The following MSI2 variants were observed in gnomAD, a reference collection of about 807,000 sequenced individuals.
MSI2 encodes the protein musashi RNA binding protein 2, also known as RNA-binding protein Musashi homolog 2.
Under a neutral mutation model 45.6 loss-of-function variants are expected in MSI2, and 17 were observed. The observed-to-expected ratio is 0.37, with a 90% CI of 0.26 to 0.56. MSI2 has a LOEUF of 0.56. Ranked by LOEUF, MSI2 falls within the 20% of genes least tolerant of loss-of-function variation. The probability of loss-of-function intolerance (pLI) is 0.77; values close to 1 mark genes in which losing one functional copy is unlikely to be tolerated. For synonymous variants in MSI2, 156 were observed against 158.2 expected (o/e 0.99, Z 0.11); for missense variants, 293 against 444.2 (o/e 0.66, Z 3.06).
At chr17:57,588,555 GT>G (rs1393960584) in intron 7 of MSI2, among the ~76,000 whole-genome samples, 1 of 152,206 alleles carries the variant, frequency 6.6e-6, no homozygotes, top group Non-Finnish European at 1.5e-5. Context: ...GTTTTTCTGT[GT>G]GAAGGTCTTC....
At chr17:57,367,353 G>C (rs981602750) in intron 5 of MSI2, among the ~76,000 whole-genome samples, 7 of 152,188 alleles carry the variant, frequency 4.6e-5, no homozygotes, top group Admixed American at 4.6e-4. Context: ...TCAGTAGATG[G>C]GGGAGGTCTG....
rs577678122 is a variant in MSI2 at position 57,564,291 on chromosome 17, C to G, written c.455-32577C>G. On this transcript the variant is annotated intron_variant, in intron 7 of 13. Transcript: ENST00000284073. Reference sequence around the variant, plus strand: ...AAGGTCGCCTTGTAATCAGGCATCACGTGACTCCTAGGAGCCAGTTAACAA... The same window carrying G: ...AAGGTCGCCTTGTAATCAGGCATCAGGTGACTCCTAGGAGCCAGTTAACAA... Among the ~76,000 whole-genome samples the G allele has an allele frequency of 4.6e-5, 7 of 152,314 alleles. No homozygotes were observed. The East Asian group carries it at 1.3e-3, about 29-fold the overall frequency.
chr17:57,583,046 A>G (rs899554590), intron 7 of MSI2, among the ~76,000 whole-genome samples: 3 of 152,122 alleles, frequency 2.0e-5, no homozygotes, highest in African/African-American at 7.2e-5. Flanking sequence ...TCTGATCAAG[A>G]TATGTTTTTG....
At chr17:57,434,319 C>T (rs2084652844) in intron 6 of MSI2, among the ~76,000 whole-genome samples, 3 of 152,178 alleles carry the variant, frequency 2.0e-5, no homozygotes, top group South Asian at 2.1e-4. Context: ...AGGCTGATCT[C>T]GAACTCCTGA....
chr17:57,293,804 C>G (rs534814731), intron 5 of MSI2, among the ~76,000 whole-genome samples: 1 of 151,514 alleles, frequency 6.6e-6, no homozygotes, highest in South Asian at 2.1e-4. Context: ...GATGGGGTTT[C>G]TCCATGTTGG....
chr17:57,632,753 T>C (rs1909505299), intron 10 of MSI2: 3 of 1,065,928 alleles, frequency 2.8e-6, no homozygotes, highest in African/African-American at 3.3e-5. Context: ...CAAGAGTCAC[T>C]GCTTTGTCTG....
At chr17:57,592,290 C>T (rs944383640) in intron 7 of MSI2, among the ~76,000 whole-genome samples, 2 of 152,264 alleles carry the variant, frequency 1.3e-5, no homozygotes, top group Non-Finnish European at 2.9e-5. Flanking sequence ...ACCCATCACT[C>T]TATCCCAAAT....
intron 7 of MSI2, among the ~76,000 whole-genome samples, chr17:57,540,195 T>C (rs868424418): frequency 2.0e-5 from 3 of 152,370 alleles, no homozygotes; most frequent in Admixed American, 6.5e-5. Flanking sequence ...TTAAGTGAGA[T>C]AGTTTATCTG....
intron 5 of MSI2, among the ~76,000 whole-genome samples, chr17:57,316,137 C>A (rs547248571): frequency 2.6e-5 from 4 of 151,890 alleles, no homozygotes; most frequent in African/African-American, 9.7e-5. Flanking sequence ...CCCTCTTGTA[C>A]TGTTAACCCA....
At chr17:57,302,647 T>C (rs897388180) in intron 5 of MSI2, among the ~76,000 whole-genome samples, 1 of 152,234 alleles carries the variant, frequency 6.6e-6, no homozygotes, top group Non-Finnish European at 1.5e-5. Flanking sequence ...ACAAATCTTT[T>C]CACTTACTGT....
At chr17:57,422,321 A>G (rs7219347) in intron 6 of MSI2, among the ~76,000 whole-genome samples, 12,939 of 152,176 alleles carry the variant, frequency 0.085, 676 homozygotes, top group African/African-American at 0.15. Context: ...TTATCCGAGC[A>G]TGATGGCAGG....
intron 6 of MSI2, among the ~76,000 whole-genome samples, chr17:57,423,916 C>T (rs1391445534): frequency 6.6e-6 from 1 of 152,102 alleles, no homozygotes; most frequent in Admixed American, 6.5e-5. Context: ...TTTAATGTAC[C>T]CTATAAAATA....
chr17:57,337,219 G>C (rs550736588), intron 5 of MSI2, among the ~76,000 whole-genome samples: 2 of 152,324 alleles, frequency 1.3e-5, no homozygotes, highest in African/African-American at 4.8e-5. Context: ...ACAGAAGCCA[G>C]TATTAGACTA....
chr17:57,506,814 T>C (rs961971104), intron 6 of MSI2, among the ~76,000 whole-genome samples: 3 of 152,176 alleles, frequency 2.0e-5, no homozygotes, highest in Non-Finnish European at 2.9e-5. Context: ...CAGCCAGGGT[T>C]AGACAGGGCG....
chr17:57,281,471 G>A lies in MSI2; in HGVS notation c.312+19279G>A, dbSNP rs145101092. 2.8e-3 allele frequency among the ~76,000 whole-genome samples: 433 copies of A among 152,040 alleles called. 3 individuals carry two copies. The highest frequency in any genetic ancestry group is 9.9e-3 in the African/African-American group (412 of 41,474). Reference sequence around the variant, plus strand: ...CTTTGCAATCCAAACGTTCCTCTTCGTTTACTCTCCAGATCCCTTCCAGCA... The same window carrying A: ...CTTTGCAATCCAAACGTTCCTCTTCATTTACTCTCCAGATCCCTTCCAGCA... On this transcript the variant is annotated intron_variant, in intron 5 of 13. Coordinates refer to ENST00000284073, the MANE Select transcript of MSI2 (RefSeq NM_138962.4).
the MSI2 span, among the ~76,000 whole-genome samples, chr17:57,696,751 T>C: frequency 6.6e-5 from 10 of 152,000 alleles, no homozygotes; most frequent in African/African-American, 2.4e-4. Context: ...ATAAACAATT[T>C]TAAAAATAAA....
chr17:57,490,440 A>T (rs2085847568), intron 6 of MSI2, among the ~76,000 whole-genome samples: 1 of 152,224 alleles, frequency 6.6e-6, no homozygotes, highest in Non-Finnish European at 1.5e-5. Context: ...TTCTGCAGAC[A>T]TTCTCTAATC....
intron 7 of MSI2, among the ~76,000 whole-genome samples, chr17:57,531,533 C>T (rs2086822116): frequency 6.6e-6 from 1 of 152,182 alleles, no homozygotes; most frequent in South Asian, 2.1e-4. Flanking sequence ...TTAAAAAGAG[C>T]ACTGCCAGCT....
chr17:57,492,621 T>TG (rs1414122470), intron 6 of MSI2, among the ~76,000 whole-genome samples: 2 of 151,906 alleles, frequency 1.3e-5, no homozygotes, highest in Non-Finnish European at 2.9e-5. Flanking sequence ...TGTTTTGTTT[T>TG]TTTTTGAGAC....
Sources: gnomAD v4.1 joint callset for allele counts (sites outside exome capture counted in the v4.1 genomes callset) on GRCh38, gnomAD v4.1.1 for gene constraint, MANE v1.5 for transcripts, NCBI Gene and HGNC (gene_info 2026-07-23, HGNC 2026-07-21) for gene names.